Variants in GALNTL6 observed in about 807,000 individuals in gnomAD.
The protein encoded by GALNTL6 is polypeptide N-acetylgalactosaminyltransferase like 6.
In GALNTL6, 46 loss-of-function variants were observed where a neutral mutation model predicts 73.7. The ratio of observed to expected loss-of-function variants is 0.62; its 90% CI spans 0.49 to 0.80. The LOEUF is 0.80. Among genes scored for constraint, GALNTL6 ranks in the 30% least tolerant of loss-of-function variants. The probability of loss-of-function intolerance (pLI) is 0.00; values close to 1 mark genes in which losing one functional copy is unlikely to be tolerated. For missense variants in GALNTL6, 604 were observed against 755.0 expected, an observed-to-expected ratio of 0.80 and a Z score of 2.34; for synonymous variants, 259 against 263.7, an observed-to-expected ratio of 0.98 and a Z score of 0.17.
chr4:172,343,934 A>G (rs987222380), intron 4 of GALNTL6, among the ~76,000 whole-genome samples: 2 of 152,202 alleles, frequency 1.3e-5, no homozygotes, highest in African/African-American at 4.8e-5. Flanking sequence ...GTTACTCAAC[A>G]AAGAGATGTC....
At chr4:172,867,751 C>T (rs1744730615) in intron 7 of GALNTL6, among the ~76,000 whole-genome samples, 1 of 152,204 alleles carries the variant, frequency 6.6e-6, no homozygotes, top group Non-Finnish European at 1.5e-5. Flanking sequence ...ACCTGTGACC[C>T]ATGACATTCA....
intron 5 of GALNTL6, among the ~76,000 whole-genome samples, chr4:172,548,840 T>A (rs1031480620): frequency 6.6e-6 from 1 of 152,176 alleles, no homozygotes; most frequent in Non-Finnish European, 1.5e-5. Context: ...TGTATGTATA[T>A]GTTTTTCCAA....
chr4:172,665,304 G>A (rs1209901281), intron 5 of GALNTL6, among the ~76,000 whole-genome samples: 2 of 152,198 alleles, frequency 1.3e-5, no homozygotes, highest in Admixed American at 6.5e-5. Flanking sequence ...GATATTTCAT[G>A]CCATTGCAAG....
intron 5 of GALNTL6, among the ~76,000 whole-genome samples, chr4:172,382,043 C>T (rs1348121370): frequency 2.0e-5 from 3 of 152,204 alleles, no homozygotes; most frequent in African/African-American, 7.2e-5. Flanking sequence ...GATCTTGGCT[C>T]ACTGCAACTT....
At position 172,696,556 on chromosome 4, in the gene GALNTL6, G is replaced by A. The variant is rs113598809; in HGVS notation, c.554-112805G>A. On this transcript the variant is annotated intron_variant, in intron 5 of 12. Transcript: ENST00000506823. ...GGTGGGAGGTAATTGAATCATGGGGGCAGGTCTTTTCCACATTATACTTGT... is the reference window on the plus strand; with the variant it reads ...GGTGGGAGGTAATTGAATCATGGGGACAGGTCTTTTCCACATTATACTTGT... 1.3e-3 allele frequency among the ~76,000 whole-genome samples: 203 copies of A among 152,186 alleles called. 2 individuals are homozygous for A. Among genetic ancestry groups the A allele is most frequent in the African/African-American group, 4.6e-3 (192 of 41,518 alleles).
intron 2 of GALNTL6, among the ~76,000 whole-genome samples, chr4:172,108,545 C>G (rs932329133): frequency 6.6e-6 from 1 of 152,118 alleles, no homozygotes; most frequent in Non-Finnish European, 1.5e-5. Context: ...GTGAGTAAAG[C>G]AGAATGCTCT....
chr4:171,888,514 T>C (rs1189557459), intron 2 of GALNTL6, among the ~76,000 whole-genome samples: 1 of 151,948 alleles, frequency 6.6e-6, no homozygotes, highest in Non-Finnish European at 1.5e-5. Flanking sequence ...TTTTTGGGAA[T>C]GCTTGTCAAA....
intron 5 of GALNTL6, among the ~76,000 whole-genome samples, chr4:172,706,896 G>C (rs1298912368): frequency 6.6e-6 from 1 of 152,136 alleles, no homozygotes; most frequent in Non-Finnish European, 1.5e-5. Flanking sequence ...TTGCATGCTG[G>C]CTCATTTTAG....
intron 5 of GALNTL6, among the ~76,000 whole-genome samples, chr4:172,683,980 G>GA (rs1342904978): frequency 1.3e-5 from 2 of 152,020 alleles, no homozygotes; most frequent in Non-Finnish European, 2.9e-5. Context: ...TCATCTTCCA[G>GA]AAAAAAAGTC....
At chr4:171,865,967 C>T (rs1044849775) in intron 2 of GALNTL6, among the ~76,000 whole-genome samples, 2 of 151,956 alleles carry the variant, frequency 1.3e-5, no homozygotes, top group African/African-American at 4.8e-5. Flanking sequence ...GGAAGGCCTC[C>T]CAAATTATTA....
intron 5 of GALNTL6, among the ~76,000 whole-genome samples, chr4:172,532,091 T>C (rs1735187829): frequency 6.6e-6 from 1 of 152,186 alleles, no homozygotes; most frequent in African/African-American, 2.4e-5. Context: ...GAAGGGTCCA[T>C]TTGCATGTGC....
intron 5 of GALNTL6, among the ~76,000 whole-genome samples, chr4:172,370,610 G>A (rs560802716): frequency 2.0e-3 from 246 of 122,884 alleles, no homozygotes; most frequent in African/African-American, 7.5e-3. Context: ...CAGCGTGGGC[G>A]ACAGAGTGAG....
At chr4:172,426,583 G>C (rs76656353) in intron 5 of GALNTL6, among the ~76,000 whole-genome samples, 3,238 of 152,218 alleles carry the variant, frequency 0.021, 112 homozygotes, top group African/African-American at 0.074. Flanking sequence ...ATCTAAGGAA[G>C]AGAGATGCTG....
At chr4:172,525,666 T>C (rs1734926407) in intron 5 of GALNTL6, among the ~76,000 whole-genome samples, 1 of 152,032 alleles carries the variant, frequency 6.6e-6, no homozygotes, top group Non-Finnish European at 1.5e-5. Context: ...AGTTCAAAAC[T>C]AGCTTGGGCA....
intron 5 of GALNTL6, among the ~76,000 whole-genome samples, chr4:172,444,982 C>T (rs982732428): frequency 3.9e-5 from 6 of 152,218 alleles, no homozygotes; most frequent in Admixed American, 6.5e-5. Context: ...GCAGCCATGA[C>T]TGTAACTCTG....
intron 5 of GALNTL6, among the ~76,000 whole-genome samples, chr4:172,753,810 T>C (rs967506908): frequency 6.6e-6 from 1 of 152,158 alleles, no homozygotes; most frequent in African/African-American, 2.4e-5. Flanking sequence ...GTTTGAGCCA[T>C]AATTTTTTTA....
At chr4:172,110,108 G>A (rs1446062101) in intron 2 of GALNTL6, among the ~76,000 whole-genome samples, 1 of 152,116 alleles carries the variant, frequency 6.6e-6, no homozygotes, top group East Asian at 1.9e-4. Context: ...AGAACTTTTA[G>A]AGGTTCCCCT....
At chr4:172,883,030 C>T in intron 8 of GALNTL6, 123 bp downstream of exon 8, 1 of 580,780 alleles carries the variant, frequency 1.7e-6, no homozygotes, top group Non-Finnish European at 3.1e-6. Context: ...GTATCACCTT[C>T]CCAAGTGAGC....
At chr4:172,871,592 G>GGT (rs1405505708) in intron 7 of GALNTL6, among the ~76,000 whole-genome samples, 1 of 128,436 alleles carries the variant, frequency 7.8e-6, no homozygotes, top group Non-Finnish European at 1.7e-5. Context: ...TGACTCTGGG[G>GGT]GGGGTGTGTG....
Sources: gnomAD v4.1 joint callset for allele counts (sites outside exome capture counted in the v4.1 genomes callset) on GRCh38, gnomAD v4.1.1 for gene constraint, MANE v1.5 for transcripts, NCBI Gene and HGNC (gene_info 2026-07-23, HGNC 2026-07-21) for gene names.